Variants in ADCK1 observed in about 807,000 individuals in gnomAD.
The protein encoded by ADCK1 is aarF domain-containing protein kinase 1.
In ADCK1, 41 loss-of-function variants were observed where a neutral mutation model predicts 52.3. The ratio of observed to expected loss-of-function variants is 0.78; its 90% CI spans 0.61 to 1.02. The LOEUF (loss-of-function observed/expected upper bound fraction) is 1.02, where lower values mean the gene tolerates loss of function less well. ADCK1 is among the 50% of genes least tolerant of loss of function. ADCK1 has a pLI of 0.00. For synonymous variants in ADCK1, 250 were observed against 274.6 expected (o/e 0.91, Z 0.89); for missense variants, 658 against 679.5 (o/e 0.97, Z 0.35).
At chr14:77,817,709 G>A (rs1352405614) in intron 1 of ADCK1, among the ~76,000 whole-genome samples, 6 of 152,024 alleles carry the variant, frequency 3.9e-5, no homozygotes, top group African/African-American at 1.4e-4. Flanking sequence ...TGCCCTCAAG[G>A]AGCCTCCATT....
At chr14:77,878,876 A>G (rs115829898) in intron 4 of ADCK1, among the ~76,000 whole-genome samples, 1 of 152,238 alleles carries the variant, frequency 6.6e-6, no homozygotes, top group African/African-American at 2.4e-5. Context: ...GTGGCCTACA[A>G]TTTACAGAAG....
chr14:77,902,443 C>G (rs2083567537), intron 6 of ADCK1: 2 of 152,200 alleles, frequency 1.3e-5, no homozygotes, highest in Non-Finnish European at 1.5e-5. Context: ...CCTTGGAGCT[C>G]AAACCACCAG....
chr14:77,887,093 C>G lies in ADCK1; in HGVS notation c.426C>G (p.Ile142Met), dbSNP rs201695094. Residue 142 changes from isoleucine to methionine, a missense_variant and splice_region_variant, in exon 5 of 11, where the codon ATC becomes ATG. By Grantham distance (10) the Ile-to-Met change is conservative (BLOSUM62 1). Coordinates refer to ENST00000238561, the MANE Select transcript of ADCK1 (RefSeq NM_020421.4). The stretch of plus-strand genomic sequence containing the variant: ...TCTGTTCTCTCCACTCCCGACAGAT[C>G]CATGATTTGTTCCAGAGCTTCGATG... Reference protein sequence around the residue: ...QVIREDLGKEIHDLFQSFDDT... With the variant: ...QVIREDLGKEMHDLFQSFDDT... The G allele has an allele frequency of 5.1e-6, 8 of 1,581,814 alleles. No homozygotes were observed. In the African/African-American group the frequency reaches 5.4e-5, roughly 11 times the overall value.
Position 77,887,205 on chromosome 14 carries a change from C to A in ADCK1, c.538C>A (p.Pro180Thr). ...GACGGTGGCCGTGAAGGTCCAGCAC[C>A]CAAAGGTGCGGGCTCAGAGCTCGAA... Reference protein sequence around the residue: ...GRTVAVKVQHPKVRAQSSKDI... With the variant: ...GRTVAVKVQHTKVRAQSSKDI... The change falls in exon 5 of 11, where the codon CCA becomes ACA. Residue 180 changes from proline to threonine, a missense_variant. Pro to Thr is a conservative substitution (Grantham distance 38). Coordinates refer to ENST00000238561, the MANE Select transcript of ADCK1 (RefSeq NM_020421.4). 1.9e-6 allele frequency: 3 copies of A among 1,609,536 alleles called. No homozygotes were observed. The highest frequency in any genetic ancestry group is 2.5e-6 in the Non-Finnish European group (3 of 1,177,760).
chr14:77,879,862 C>T (rs903307021), intron 4 of ADCK1, among the ~76,000 whole-genome samples: 6 of 151,434 alleles, frequency 4.0e-5, no homozygotes, highest in South Asian at 2.1e-4. Context: ...TAACTGGAGG[C>T]GTCATGTGAG....
At chr14:77,833,488 AT>A (rs1293960861) in intron 3 of ADCK1, among the ~76,000 whole-genome samples, 2 of 152,198 alleles carry the variant, frequency 1.3e-5, no homozygotes, top group African/African-American at 4.8e-5. Flanking sequence ...CATGAGCTGC[AT>A]TTAATTCTCT....
At chr14:77,820,955 A>T (rs1421977355) in intron 2 of ADCK1, 1 of 152,008 alleles carries the variant, frequency 6.6e-6, no homozygotes, top group Non-Finnish European at 1.5e-5. Context: ...ACCTCAAGTG[A>T]TCTGCCTGGC....
At chr14:77,895,994 C>A (rs984066673) in intron 5 of ADCK1, among the ~76,000 whole-genome samples, 9 of 152,092 alleles carry the variant, frequency 5.9e-5, no homozygotes, top group African/African-American at 2.2e-4. Context: ...CCACAGGATG[C>A]CTTAGAAACC....
chr14:77,888,411 A>C (rs938396773), intron 5 of ADCK1, among the ~76,000 whole-genome samples: 2 of 152,190 alleles, frequency 1.3e-5, no homozygotes, highest in Admixed American at 6.5e-5. Context: ...GGATCTGAGC[A>C]GATCTGATTT....
intron 4 of ADCK1, among the ~76,000 whole-genome samples, chr14:77,875,506 T>C (rs1182028732): frequency 6.6e-6 from 1 of 151,640 alleles, no homozygotes; most frequent in Non-Finnish European, 1.5e-5. Context: ...AAAAGAAAAC[T>C]CCTTAGCACC....
intron 3 of ADCK1, among the ~76,000 whole-genome samples, chr14:77,827,390 C>A (rs1236825487): frequency 6.7e-6 from 1 of 149,576 alleles, no homozygotes. Context: ...TAATTTGAGT[C>A]CCTAGATCTA....
chr14:77,899,026 C>A lies in ADCK1; in HGVS notation c.583-74C>A. 2.5e-6 allele frequency: 4 copies of A among 1,584,022 alleles called. No individual in the cohort carries two copies. The African/African-American group carries it at 4.0e-5, about 16-fold the overall frequency. ...CAGTTTCCCTTACTCTAGGGGAGAA[C>A]CAGGCAGGAAGGTAGGGAATGTCCC... On this transcript the variant is annotated intron_variant, in intron 5 of 10. Transcript: ENST00000238561.
chr14:77,826,555 T>A (rs1366098872), intron 3 of ADCK1, among the ~76,000 whole-genome samples: 1 of 152,134 alleles, frequency 6.6e-6, no homozygotes, highest in Non-Finnish European at 1.5e-5. Flanking sequence ...GAGAACCAGA[T>A]CCCTGGTGTT....
intron 2 of ADCK1, chr14:77,821,017 G>GTA (rs2081571194): frequency 6.6e-6 from 1 of 152,006 alleles, no homozygotes; most frequent in African/African-American, 2.4e-5. Flanking sequence ...CACCCGGCCT[G>GTA]TATATATATA....
At chr14:77,870,340 G>A (rs903450068) in intron 4 of ADCK1, among the ~76,000 whole-genome samples, 4 of 152,214 alleles carry the variant, frequency 2.6e-5, no homozygotes, top group African/African-American at 9.6e-5. Flanking sequence ...GTTTCTGGGG[G>A]ACGTTAAAGA....
At chr14:77,800,776 C>G (rs1297960915) in intron 1 of ADCK1, among the ~76,000 whole-genome samples, 1 of 152,256 alleles carries the variant, frequency 6.6e-6, no homozygotes, top group African/African-American at 2.4e-5. Context: ...ACAGCCCTCT[C>G]CCAGGGTTAA....
intron 3 of ADCK1, among the ~76,000 whole-genome samples, chr14:77,847,510 C>T (rs1171397811): frequency 6.6e-6 from 1 of 152,210 alleles, no homozygotes; most frequent in Non-Finnish European, 1.5e-5. Context: ...GTGGAGGTTG[C>T]AGTGAGCTGA....
Position 77,907,884 on chromosome 14 carries a change from G to C in ADCK1, c.823G>C (p.Asp275His). The stretch of plus-strand genomic sequence containing the variant: ...GGATGGCGGGCAGGTCAATGACAGA[G>C]ACTACATGGAGAGGAACAAGATCGA... ...FVDGGQVNDR[D>H]YMERNKIDVN... The change falls in exon 7 of 11, where the codon GAC becomes CAC. Residue 275 changes from aspartate to histidine, a missense_variant. Coordinates refer to ENST00000238561, the MANE Select transcript of ADCK1 (RefSeq NM_020421.4). 1.9e-6 allele frequency: 3 copies of C among 1,614,048 alleles called. No individual in the cohort carries two copies. Among genetic ancestry groups the C allele is most frequent in the Non-Finnish European group, 2.5e-6 (3 of 1,179,954 alleles).
intron 4 of ADCK1, among the ~76,000 whole-genome samples, chr14:77,885,198 A>G (rs1251863668): frequency 6.6e-6 from 1 of 152,248 alleles, no homozygotes; most frequent in Non-Finnish European, 1.5e-5. Context: ...CCCAGGCCCA[A>G]GATAAAGGGT....
Sources: allele counts gnomAD v4.1 joint callset (sites outside exome capture counted in the v4.1 genomes callset), GRCh38; gene constraint gnomAD v4.1.1; transcripts MANE v1.5; gene names NCBI Gene and HGNC (gene_info 2026-07-23, HGNC 2026-07-21).